Variants in CFAP210 observed in about 807,000 individuals in gnomAD.
CFAP210 encodes the protein cilia and flagella associated protein 210.
the CFAP210 span, chr2:169,646,184 T>G: frequency 6.3e-7 from 1 of 1,592,886 alleles, no homozygotes; most frequent in Non-Finnish European, 8.6e-7. Flanking sequence ...ATTTTTGGCC[T>G]ATTTGGGAAA....
chr2:169,692,052 A>C, the CFAP210 span, among the ~76,000 whole-genome samples: 260 of 152,304 alleles, frequency 1.7e-3, no homozygotes, highest in Non-Finnish European at 2.6e-3. Flanking sequence ...CAGAGTCTCA[A>C]GGTAAGTCAT....
the CFAP210 span, among the ~76,000 whole-genome samples, chr2:169,679,851 G>C: frequency 2.0e-5 from 3 of 152,062 alleles, no homozygotes; most frequent in African/African-American, 4.8e-5. Flanking sequence ...TGTGACATTA[G>C]ATTAGGTAAA....
the CFAP210 span, among the ~76,000 whole-genome samples, chr2:169,687,504 A>G: frequency 7.9e-6 from 1 of 127,140 alleles, no homozygotes; most frequent in Non-Finnish European, 1.8e-5. Context: ...GCAAGTCCAA[A>G]ATCCAGCAGG....
the CFAP210 span, chr2:169,646,130 CAAT>C: frequency 1.2e-6 from 2 of 1,613,738 alleles, no homozygotes; most frequent in Non-Finnish European, 1.7e-6. Context: ...AGTAAGTCTG[CAAT>C]AATCTAATTC....
At chr2:169,690,220 A>G in the CFAP210 span, among the ~76,000 whole-genome samples, 1 of 152,178 alleles carries the variant, frequency 6.6e-6, no homozygotes, top group East Asian at 1.9e-4. Context: ...AAGGATAATG[A>G]TCTATAGTTT....
chr2:169,649,695 G>A, the CFAP210 span, among the ~76,000 whole-genome samples: 4 of 152,136 alleles, frequency 2.6e-5, no homozygotes, highest in East Asian at 5.8e-4. Flanking sequence ...TTGGGAGGCC[G>A]AGGTGGGCGG....
chr2:169,653,054 ATATATATATATATG>A, the CFAP210 span, among the ~76,000 whole-genome samples: 860 of 102,584 alleles, frequency 8.4e-3, 6 homozygotes, highest in East Asian at 0.039. Context: ...ATATATATAT[ATATATATATATATG>A]TATGTGTGTA....
At chr2:169,662,291 TC>T in the CFAP210 span, 23 of 1,596,562 alleles carry the variant, frequency 1.4e-5, no homozygotes, top group Non-Finnish European at 2.0e-5. Context: ...AGAAACCGTC[TC>T]CTGCTTTCAT....
the CFAP210 span, chr2:169,675,180 A>T: frequency 1.5e-6 from 1 of 687,988 alleles, no homozygotes; most frequent in Non-Finnish European, 2.1e-6. Flanking sequence ...ATGAGGCTAC[A>T]CTTATGAGCT....
the CFAP210 span, among the ~76,000 whole-genome samples, chr2:169,676,850 T>C: frequency 6.6e-6 from 1 of 152,172 alleles, no homozygotes; most frequent in Non-Finnish European, 1.5e-5. Flanking sequence ...TCTGTAGTTT[T>C]AATAATTCTA....
chr2:169,662,205 A>T, the CFAP210 span: 2 of 1,456,570 alleles, frequency 1.4e-6, no homozygotes, highest in Non-Finnish European at 1.9e-6. Context: ...ACATGTACAA[A>T]TATATTATGT....
chr2:169,687,711 G>A, the CFAP210 span, among the ~76,000 whole-genome samples: 2 of 152,196 alleles, frequency 1.3e-5, no homozygotes, highest in Non-Finnish European at 2.9e-5. Context: ...GGTGCAAGCT[G>A]TCAGTGGATC....
chr2:169,653,064 ATATG>A, the CFAP210 span, among the ~76,000 whole-genome samples: 2 of 96,240 alleles, frequency 2.1e-5, no homozygotes, highest in South Asian at 3.5e-4. Context: ...ATATATATAT[ATATG>A]TATGTGTGTA....
At chr2:169,651,873 T>A in the CFAP210 span, among the ~76,000 whole-genome samples, 8 of 116,508 alleles carry the variant, frequency 6.9e-5, no homozygotes, top group Admixed American at 6.1e-4. Flanking sequence ...ACTATAAGGT[T>A]CCTTTTTTTT....
chr2:169,669,769 C>G, the CFAP210 span, among the ~76,000 whole-genome samples: 1 of 131,668 alleles, frequency 7.6e-6, no homozygotes. Flanking sequence ...AGCGAGACTC[C>G]GTCTTAAAAA....
At chr2:169,664,746 T>C in the CFAP210 span, among the ~76,000 whole-genome samples, 1 of 152,204 alleles carries the variant, frequency 6.6e-6, no homozygotes, top group South Asian at 2.1e-4. Context: ...AAACAATGCA[T>C]TGGGAAGCCT....
chr2:169,649,234 C>T, the CFAP210 span: 1 of 1,613,702 alleles, frequency 6.2e-7, no homozygotes, highest in South Asian at 1.1e-5. Flanking sequence ...ATCAGCTTTG[C>T]ATTTTTTCTC....
the CFAP210 span, among the ~76,000 whole-genome samples, chr2:169,657,266 C>A: frequency 6.6e-6 from 1 of 151,942 alleles, no homozygotes; most frequent in East Asian, 1.9e-4. Context: ...AATAAAAGTT[C>A]TCAGGATGAA....
the CFAP210 span, chr2:169,645,917 T>C: frequency 6.2e-7 from 1 of 1,613,992 alleles, no homozygotes; most frequent in Non-Finnish European, 8.5e-7. Flanking sequence ...AAAAGGGAGC[T>C]GGACTCCAGT....
Sources: allele counts gnomAD v4.1 joint callset (sites outside exome capture counted in the v4.1 genomes callset), GRCh38; gene constraint gnomAD v4.1.1; transcripts MANE v1.5; gene names NCBI Gene and HGNC (gene_info 2026-07-23, HGNC 2026-07-21).